Variants in UBE2U observed in about 807,000 individuals in gnomAD.
UBE2U encodes ubiquitin conjugating enzyme E2 U.
A neutral mutation model predicts 41.2 loss-of-function variants in UBE2U; 39 were observed. The observed-to-expected ratio is 0.95, with a 90% CI of 0.73 to 1.24. The LOEUF (loss-of-function observed/expected upper bound fraction) is 1.24, where lower values mean the gene tolerates loss of function less well. Ranked by LOEUF, UBE2U falls within the 50% of genes most tolerant of loss-of-function variation. The pLI is 0.00. For missense variants in UBE2U, 336 were observed against 363.1 expected (o/e 0.93, Z 0.61); for synonymous variants, 107 against 117.8 (o/e 0.91, Z 0.60).
intron 6 of UBE2U, among the ~76,000 whole-genome samples, chr1:64,227,699 G>C (rs1369545171): frequency 3.3e-5 from 5 of 152,104 alleles, no homozygotes; most frequent in Admixed American, 3.3e-4. Context: ...CTACTCGGGA[G>C]GCTGAGGCAG....
chr1:64,257,034 A>G (rs2100532160), intron 8 of UBE2U, among the ~76,000 whole-genome samples: 1 of 152,346 alleles, frequency 6.6e-6, no homozygotes, highest in African/African-American at 2.4e-5. Flanking sequence ...GAGAAATGTA[A>G]ATCAAAACCA....
intron 4 of UBE2U, 49 bp downstream of exon 4, chr1:64,210,888 T>C (rs1276006050): frequency 7.6e-7 from 1 of 1,321,610 alleles, no homozygotes; most frequent in Non-Finnish European, 1.0e-6. Flanking sequence ...TTAATTACCC[T>C]AATTATTCAA....
At chr1:64,248,696 T>G (rs1046656780) in intron 8 of UBE2U, among the ~76,000 whole-genome samples, 1 of 152,112 alleles carries the variant, frequency 6.6e-6, no homozygotes, top group African/African-American at 2.4e-5. Flanking sequence ...AATGGTTGAA[T>G]AAAGAAGGAA....
intron 6 of UBE2U, among the ~76,000 whole-genome samples, chr1:64,222,591 C>T (rs767081007): frequency 4.6e-5 from 7 of 152,168 alleles, no homozygotes; most frequent in Admixed American, 2.6e-4. Flanking sequence ...TTCAATGATA[C>T]GCTAGACTCA....
intron 8 of UBE2U, among the ~76,000 whole-genome samples, chr1:64,243,131 G>A (rs1557735845): frequency 6.6e-6 from 1 of 152,128 alleles, no homozygotes; most frequent in Non-Finnish European, 1.5e-5. Context: ...AAATTATCAT[G>A]TGCATAGTGA....
At chr1:64,221,221 C>G (rs902762848) in intron 6 of UBE2U, among the ~76,000 whole-genome samples, 1 of 152,146 alleles carries the variant, frequency 6.6e-6, no homozygotes, top group Non-Finnish European at 1.5e-5. Flanking sequence ...AAGCGATTCT[C>G]CTGCCTCAGC....
intron 9 of UBE2U, among the ~76,000 whole-genome samples, chr1:64,262,255 C>A (rs1182600541): frequency 6.6e-6 from 1 of 152,320 alleles, no homozygotes; most frequent in Non-Finnish European, 1.5e-5. Context: ...TCTACCATAG[C>A]CGTATCATGC....
At chr1:64,230,729 A>G (rs1352148890) in intron 6 of UBE2U, among the ~76,000 whole-genome samples, 1 of 152,142 alleles carries the variant, frequency 6.6e-6, no homozygotes, top group African/African-American at 2.4e-5. Context: ...TATTCTCCAA[A>G]TGTCTCCGTT....
intron 8 of UBE2U, among the ~76,000 whole-genome samples, chr1:64,244,750 G>A (rs1375338993): frequency 6.6e-6 from 1 of 152,110 alleles, no homozygotes; most frequent in Admixed American, 6.6e-5. Context: ...CTTTCAGCAT[G>A]TGTGATGTGG....
At chr1:64,214,240 T>C (rs2100279314) in intron 4 of UBE2U, among the ~76,000 whole-genome samples, 1 of 152,332 alleles carries the variant, frequency 6.6e-6, no homozygotes, top group Admixed American at 6.5e-5. Context: ...CTACTAGTCA[T>C]ATGTGGCTAC....
chr1:64,213,125 A>G (rs549602276), intron 4 of UBE2U, among the ~76,000 whole-genome samples: 19 of 152,296 alleles, frequency 1.2e-4, no homozygotes, highest in African/African-American at 4.6e-4. Flanking sequence ...CCTTCTCCAC[A>G]GGTGTAAGCT....
chr1:64,265,501 A>T (rs139474536), intron 9 of UBE2U, among the ~76,000 whole-genome samples: 1 of 152,330 alleles, frequency 6.6e-6, no homozygotes, highest in African/African-American at 2.4e-5. Context: ...AGTACAAAAA[A>T]TTAAAAATCA....
intron 3 of UBE2U, among the ~76,000 whole-genome samples, chr1:64,207,130 C>T (rs1341862482): frequency 6.6e-6 from 1 of 152,022 alleles, no homozygotes; most frequent in Non-Finnish European, 1.5e-5. Flanking sequence ...AGTTTTGCCT[C>T]TAGGTTTTTG....
intron 9 of UBE2U, among the ~76,000 whole-genome samples, chr1:64,264,729 G>C (rs1336940594): frequency 6.6e-6 from 1 of 152,134 alleles, no homozygotes; most frequent in Non-Finnish European, 1.5e-5. Context: ...AAGGTGGGTG[G>C]ATCACCTGAG....
At chr1:64,223,356 A>T (rs1256487636) in intron 6 of UBE2U, among the ~76,000 whole-genome samples, 1 of 152,210 alleles carries the variant, frequency 6.6e-6, no homozygotes, top group Non-Finnish European at 1.5e-5. Flanking sequence ...TCGATCCATT[A>T]GGTCAATGTA....
chr1:64,238,713 A>G (rs577269359), intron 7 of UBE2U, among the ~76,000 whole-genome samples: 1 of 152,170 alleles, frequency 6.6e-6, no homozygotes, highest in South Asian at 2.1e-4. Flanking sequence ...GGCAAATGTC[A>G]TCAAGCTAAA....
chr1:64,245,599 T>A (rs1464087174), intron 8 of UBE2U, among the ~76,000 whole-genome samples: 2 of 152,194 alleles, frequency 1.3e-5, no homozygotes, highest in African/African-American at 4.8e-5. Flanking sequence ...ACTTCCTGTA[T>A]GCCCGGCGTT....
intron 9 of UBE2U, among the ~76,000 whole-genome samples, chr1:64,262,227 G>A (rs1645189627): frequency 6.6e-6 from 1 of 152,136 alleles, no homozygotes; most frequent in South Asian, 2.1e-4. Context: ...AACTTTCTTT[G>A]TGGGTTATCA....
intron 3 of UBE2U, among the ~76,000 whole-genome samples, chr1:64,208,296 A>T (rs1054620659): frequency 1.3e-5 from 2 of 152,136 alleles, no homozygotes; most frequent in Non-Finnish European, 1.5e-5. Context: ...AGTGTGCAAG[A>T]GTGTGTTATA....
Sources: gnomAD v4.1 joint callset for allele counts (sites outside exome capture counted in the v4.1 genomes callset) on GRCh38, gnomAD v4.1.1 for gene constraint, MANE v1.5 for transcripts, NCBI Gene and HGNC (gene_info 2026-07-23, HGNC 2026-07-21) for gene names.